Variants in CSMD1 observed in about 807,000 individuals in gnomAD.
The protein encoded by CSMD1 is CUB and Sushi multiple domains 1, also known as CUB and sushi domain-containing protein 1.
A neutral mutation model predicts 417.5 loss-of-function variants in CSMD1; 213 were observed. The ratio of observed to expected loss-of-function variants is 0.51; its 90% CI spans 0.46 to 0.57. CSMD1 has a LOEUF of 0.57. Ranked by LOEUF, CSMD1 falls within the 20% of genes least tolerant of loss-of-function variation. The probability of loss-of-function intolerance (pLI) is 0.00; values close to 1 mark genes in which losing one functional copy is unlikely to be tolerated. For synonymous variants in CSMD1, 2,862 were observed against 1,736.8 expected, an observed-to-expected ratio of 1.65 and a Z score of -16.11; for missense variants, 6,923 against 4,529.7, an observed-to-expected ratio of 1.53 and a Z score of -15.17.
At chr8:4,447,627 C>CA (rs1308386312) in intron 2 of CSMD1, among the ~76,000 whole-genome samples, 2 of 152,192 alleles carry the variant, frequency 1.3e-5, no homozygotes, top group Non-Finnish European at 2.9e-5. Flanking sequence ...TAAGCTTGTT[C>CA]AAAGTCGACA....
rs560263568 is a variant in CSMD1, at chr8:3,212,385, G to C, written c.4867+2112C>G. ...AATAACGTTCTTCCTCTGTCGATCTGTTGCCCAGGCTATAGTGCAGTGGAG... is the reference window on the plus strand; with the variant it reads ...AATAACGTTCTTCCTCTGTCGATCTCTTGCCCAGGCTATAGTGCAGTGGAG... On this transcript the variant is annotated intron_variant, in intron 30 of 69. Coordinates refer to ENST00000635120, the MANE Select transcript of CSMD1 (RefSeq NM_033225.6). Among the ~76,000 whole-genome samples the C allele has an allele frequency of 2.6e-5, 4 of 152,214 alleles. No individual in the cohort carries two copies. The South Asian group carries it at 8.3e-4, about 32-fold the overall frequency.
chr8:3,614,274 G>C (rs1352217794), intron 8 of CSMD1, among the ~76,000 whole-genome samples: 1 of 151,994 alleles, frequency 6.6e-6, no homozygotes, highest in Non-Finnish European at 1.5e-5. Context: ...TCTGAGATAA[G>C]ATTCTACAGA....
intron 3 of CSMD1, among the ~76,000 whole-genome samples, chr8:4,117,231 G>C (rs1353859517): frequency 1.1e-4 from 14 of 130,400 alleles, no homozygotes; most frequent in Non-Finnish European, 1.3e-4. Context: ...TCTCATGGTC[G>C]TTTCTGTCTG....
chr8:3,868,677 A>G (rs1047318855), intron 5 of CSMD1, among the ~76,000 whole-genome samples: 4 of 152,068 alleles, frequency 2.6e-5, no homozygotes, highest in Admixed American at 6.5e-5. Flanking sequence ...CAATCTTTCC[A>G]TCTCATGAAT....
At chr8:3,857,663 G>A (rs1424471374) in intron 5 of CSMD1, among the ~76,000 whole-genome samples, 1 of 152,100 alleles carries the variant, frequency 6.6e-6, no homozygotes. Context: ...CGAATGAGTG[G>A]AATTTTAATA....
chr8:4,380,062 T>G (rs566247744), intron 3 of CSMD1, among the ~76,000 whole-genome samples: 76 of 152,290 alleles, frequency 5.0e-4, no homozygotes, highest in African/African-American at 1.8e-3. Flanking sequence ...TCAATCCATA[T>G]GAAGATAAAT....
intron 3 of CSMD1, among the ~76,000 whole-genome samples, chr8:4,063,545 T>A (rs1799089850): frequency 6.6e-6 from 1 of 152,164 alleles, no homozygotes; most frequent in African/African-American, 2.4e-5. Flanking sequence ...AGAAAAATAC[T>A]CCTTAAGAAC....
intron 3 of CSMD1, among the ~76,000 whole-genome samples, chr8:4,246,143 C>A (rs141056018): frequency 1.1e-4 from 16 of 152,244 alleles, no homozygotes; most frequent in Admixed American, 9.8e-4. Flanking sequence ...AAGCCTAGTA[C>A]CCATTATTTT....
At chr8:3,452,101 G>T (rs1382294754) in intron 12 of CSMD1, among the ~76,000 whole-genome samples, 1 of 152,206 alleles carries the variant, frequency 6.6e-6, no homozygotes, top group Non-Finnish European at 1.5e-5. Flanking sequence ...GTTCACTCAT[G>T]ATTTGGCTCT....
chr8:3,230,565 A>C (rs1798775966), intron 26 of CSMD1, among the ~76,000 whole-genome samples: 1 of 152,164 alleles, frequency 6.6e-6, no homozygotes, highest in South Asian at 2.1e-4. Flanking sequence ...CAATATTTTA[A>C]TGAAACCCCA....
intron 5 of CSMD1, among the ~76,000 whole-genome samples, chr8:3,845,062 T>C (rs947197402): frequency 6.6e-6 from 1 of 152,200 alleles, no homozygotes; most frequent in Non-Finnish European, 1.5e-5. Context: ...GTGATTAGAC[T>C]TTCATATTAT....
Position 3,495,755 on chromosome 8 carries a change from T to A in CSMD1, c.1345-2029A>T, listed in dbSNP as rs552622193. ...CAAATGAAAACTGAAGACAAAAGGA[T>A]AATACATTTCAAGTTGTGAGCAACT... On this transcript the variant is annotated intron_variant, in intron 10 of 69. Coordinates refer to ENST00000635120, the MANE Select transcript of CSMD1 (RefSeq NM_033225.6). Among the ~76,000 whole-genome samples the A allele has an allele frequency of 1.9e-3, 292 of 152,302 alleles. 1 individual carries two copies. The highest frequency in any genetic ancestry group is 3.2e-3 in the Non-Finnish European group (218 of 68,026).
chr8:4,722,828 A>G (rs532417870), intron 1 of CSMD1, among the ~76,000 whole-genome samples: 6 of 152,302 alleles, frequency 3.9e-5, no homozygotes, highest in African/African-American at 1.2e-4. Flanking sequence ...ACAAAGTCAT[A>G]AATACTACTG....
chr8:4,021,059 A>G (rs1189558008), intron 4 of CSMD1, among the ~76,000 whole-genome samples: 1 of 152,226 alleles, frequency 6.6e-6, no homozygotes, highest in Admixed American at 6.5e-5. Context: ...TGACAGCATC[A>G]GAGCTCTACA....
chr8:4,300,325 G>C (rs1011329002), intron 3 of CSMD1, among the ~76,000 whole-genome samples: 35 of 152,142 alleles, frequency 2.3e-4, no homozygotes, highest in African/African-American at 8.0e-4. Context: ...CAAAAAGTTT[G>C]TGGAAAAATA....
At chr8:4,420,087 CAAAG>C in intron 2 of CSMD1, 22 bp from the exon 3 acceptor site, 2 of 1,500,282 alleles carry the variant, frequency 1.3e-6, no homozygotes, top group Non-Finnish European at 1.8e-6. Flanking sequence ...AGACAAGACA[CAAAG>C]AGAGTTAAAA....
chr8:4,391,563 G>C (rs540529326), intron 3 of CSMD1, among the ~76,000 whole-genome samples: 2 of 151,950 alleles, frequency 1.3e-5, no homozygotes, highest in East Asian at 1.9e-4. Context: ...GTAAGACTTG[G>C]CCAGTGACTT....
intron 5 of CSMD1, among the ~76,000 whole-genome samples, chr8:3,912,273 A>C (rs929511645): frequency 2.6e-5 from 4 of 151,940 alleles, no homozygotes; most frequent in African/African-American, 9.7e-5. Context: ...TATTCAAAAA[A>C]CAATATACGG....
intron 3 of CSMD1, among the ~76,000 whole-genome samples, chr8:4,201,367 T>C (rs1306192706): frequency 6.6e-6 from 1 of 151,678 alleles, no homozygotes; most frequent in Non-Finnish European, 1.5e-5. Flanking sequence ...TGAAACCCCA[T>C]CTCTACTAAA....
Sources: allele counts gnomAD v4.1 joint callset (sites outside exome capture counted in the v4.1 genomes callset), GRCh38; gene constraint gnomAD v4.1.1; transcripts MANE v1.5; gene names NCBI Gene and HGNC (gene_info 2026-07-23, HGNC 2026-07-21).